The following LY75 variants were observed in gnomAD, a reference collection of about 807,000 sequenced individuals.
The protein encoded by LY75 is C-type lectin domain family 13 member B.
A neutral mutation model predicts 231.7 loss-of-function variants in LY75; 185 were observed. That is an observed-to-expected ratio of 0.80 (90% CI 0.71 to 0.90). The LOEUF is 0.90. LY75 is among the 40% of genes least tolerant of loss of function. LY75 has a pLI of 0.00. For missense variants in LY75, 1,947 were observed against 2,050.2 expected, an observed-to-expected ratio of 0.95 and a Z score of 0.97; for synonymous variants, 668 against 689.0, an observed-to-expected ratio of 0.97 and a Z score of 0.48.
intron 28 of LY75, among the ~76,000 whole-genome samples, chr2:159,825,756 C>T (rs1683446125): frequency 6.6e-6 from 1 of 152,164 alleles, no homozygotes; most frequent in African/African-American, 2.4e-5. Flanking sequence ...AAAGTTTATC[C>T]ACCAGGATCA....
Position 159,852,261 on chromosome 2 carries a change from G to GT in LY75, c.2822dup (p.Tyr941Ter). Residue 941 changes from tyrosine (Y) to a stop codon, truncating the protein, a stop_gained and frameshift_variant, in exon 21 of 35, where the codon TAC becomes TAAC. Coordinates refer to ENST00000263636, the MANE Select transcript of LY75 (RefSeq NM_002349.4). LOFTEE classifies it high-confidence loss of function. ...EKYNVSSLEK[Y>*]SPDSAAKVQC... ...GCACTTTAGCTGCAGAATCTGGGCT[G>GT]TATTTCTCTAACGAAGAAACATTAT... 3 of 1,614,048 alleles carry GT rather than the reference G, an allele frequency of 1.9e-6. No homozygotes were observed. Among genetic ancestry groups the GT allele is most frequent in the Non-Finnish European group, 2.5e-6 (3 of 1,179,982 alleles).
At chr2:159,872,212 G>A in intron 13 of LY75, 2 of 385,550 alleles carry the variant, frequency 5.2e-6, no homozygotes. Flanking sequence ...GCCATACATT[G>A]CTGTTGGACT....
At position 159,854,904 on chromosome 2, in the gene LY75, C is replaced by T. The variant is rs745561149; in HGVS notation, c.2419G>A (p.Asp807Asn). The T allele has an allele frequency of 1.2e-6, 2 of 1,613,610 alleles. No individual in the cohort carries two copies. Among genetic ancestry groups the T allele is most frequent in the South Asian group, 1.1e-5 (1 of 91,062 alleles). ...TTAAATTTCAGTTTTCTTAACTCACCTGGATTGTACCAGTCTGGTGTTTTT... is the reference window on the plus strand; with the variant it reads ...TTAAATTTCAGTTTTCTTAACTCACTTGGATTGTACCAGTCTGGTGTTTTT... ...TPKTPDWYNP[D>N]RAGIHGPPLI... The change falls in exon 17 of 35, where the codon GAC becomes AAC. Residue 807 changes from aspartate (D) to asparagine (N), a missense_variant and splice_region_variant. Physicochemically the swap from Asp to Asn is conservative, Grantham distance 23. Coordinates refer to ENST00000263636, the MANE Select transcript of LY75 (RefSeq NM_002349.4).
rs1321625668 is a variant in LY75 at position 159,804,780 on chromosome 2, A to G, written c.*264T>C. On this transcript the variant is annotated 3_prime_UTR_variant, in exon 35 of 35. Transcript: ENST00000263636. ...GTTACCAATCACATTCATACAGAGA[A>G]AATGAACATTAAACATATTACTGTA... 4.5e-6 allele frequency: 1 copy of G among 223,072 alleles called. No homozygotes were observed. Among genetic ancestry groups the G allele is most frequent in the Admixed American group, 5.3e-5 (1 of 19,036 alleles). 13.8% of individuals were successfully genotyped at this position (223,072 alleles called of 1,614,324 possible).
chr2:159,896,354 T>G (rs1450073480), intron 2 of LY75, among the ~76,000 whole-genome samples: 1 of 152,142 alleles, frequency 6.6e-6, no homozygotes, highest in Non-Finnish European at 1.5e-5. Flanking sequence ...GGAGTTGGGG[T>G]GAGAGGCAAC....
chr2:159,889,975 C>T (rs567030690), intron 4 of LY75, among the ~76,000 whole-genome samples: 10 of 152,232 alleles, frequency 6.6e-5, no homozygotes, highest in African/African-American at 1.9e-4. Context: ...TCTTGCTACC[C>T]AACCTTGTTT....
At chr2:159,879,226 G>T (rs1216810497) in intron 9 of LY75, 33 bp downstream of exon 9, 5 of 1,601,244 alleles carry the variant, frequency 3.1e-6, no homozygotes, top group Non-Finnish European at 3.4e-6. Context: ...TTGTAATACT[G>T]CTTGAGAAAA....
intron 32 of LY75, 28 bp from the exon 33 acceptor site, chr2:159,808,599 A>G (rs757015362): frequency 6.2e-7 from 1 of 1,610,346 alleles, no homozygotes; most frequent in Non-Finnish European, 8.5e-7. Context: ...ATTCTCAATT[A>G]GCTTTATGGA....
rs776849153 is a variant in LY75, at chr2:159,840,780, C to T, written c.3456G>A (p.Val1152=). The T allele has an allele frequency of 1.5e-5, 24 of 1,613,978 alleles. No individual in the cohort carries two copies. The highest frequency in any genetic ancestry group is 2.0e-5 in the Non-Finnish European group (24 of 1,179,988). ...AGGAAGAGTTGTGAAGGAGCGCCTG[C>T]ACACTGAGGAATGCCTGCTGGTAAG... ...TDPYQQAFLS[V]QALLHNSSLW... is the part of the protein sequence containing the mutation. Residue 1152 remains valine, a synonymous_variant, in exon 25 of 35, where the codon GTG becomes GTA. Coordinates refer to ENST00000263636, the MANE Select transcript of LY75 (RefSeq NM_002349.4).
In LY75 at chr2:159,888,308, G is replaced by GT. The variant is rs566297500; in HGVS notation, c.803-1779dup. ...GTGGGAAGATCGCTTGAGCCCAAGA[G>GT]TTGAGGCTATAGTGTGCTCTGATCA... On this transcript the variant is annotated intron_variant, in intron 4 of 34. Coordinates refer to ENST00000263636, the MANE Select transcript of LY75 (RefSeq NM_002349.4). 2.0e-3 allele frequency among the ~76,000 whole-genome samples: 306 copies of GT among 152,308 alleles called. 1 individual carries two copies. The highest frequency in any genetic ancestry group is 6.9e-3 in the African/African-American group (286 of 41,580).
At chr2:159,831,892 A>G (rs1683673302) in intron 27 of LY75, 106 bp from the exon 28 acceptor site, 12 of 852,246 alleles carry the variant, frequency 1.4e-5, no homozygotes, top group Non-Finnish European at 2.1e-5. Context: ...ACTTCAAAAT[A>G]TAAACAATAT....
chr2:159,902,009 G>T lies in LY75; in HGVS notation c.94+2580C>A, dbSNP rs368383156. Among the ~76,000 whole-genome samples the T allele has an allele frequency of 2.9e-4, 44 of 152,328 alleles. No homozygotes were observed. In the East Asian group the frequency reaches 3.9e-3, roughly 13 times the overall value. ...TAGTAGGTTGAAGAGCTGGAAGGAG[G>T]ACTGAGAAAGTGTGAACATAATCCC... On this transcript the variant is annotated intron_variant, in intron 1 of 34. Coordinates refer to ENST00000263636, the MANE Select transcript of LY75 (RefSeq NM_002349.4).
intron 25 of LY75, among the ~76,000 whole-genome samples, chr2:159,836,324 C>T (rs991422722): frequency 2.6e-5 from 4 of 152,258 alleles, no homozygotes; most frequent in Admixed American, 1.3e-4. Context: ...ACTCTTCAGG[C>T]GCTGTGGCTC....
chr2:159,875,966 T>G (rs1685255761), intron 11 of LY75, among the ~76,000 whole-genome samples: 1 of 152,192 alleles, frequency 6.6e-6, no homozygotes, highest in Admixed American at 6.6e-5. Context: ...CCAGGTGGTC[T>G]GTTTCTAGAG....
chr2:159,809,674 T>TTTTA (rs761050833), intron 32 of LY75, among the ~76,000 whole-genome samples: 8 of 151,616 alleles, frequency 5.3e-5, no homozygotes, highest in East Asian at 1.9e-4. Context: ...TTATTATTTA[T>TTTTA]TTTATTTATT....
chr2:159,870,605 A>G (rs1374030752), intron 13 of LY75, among the ~76,000 whole-genome samples: 2 of 152,038 alleles, frequency 1.3e-5, no homozygotes, highest in Non-Finnish European at 2.9e-5. Flanking sequence ...CCTGGGCTCA[A>G]GTGATCCTCC....
intron 30 of LY75, among the ~76,000 whole-genome samples, chr2:159,816,016 C>T (rs1683110365): frequency 6.6e-6 from 1 of 152,046 alleles, no homozygotes; most frequent in Admixed American, 6.5e-5. Flanking sequence ...CAGTAGGGAG[C>T]TAGAAAAGAG....
intron 3 of LY75, among the ~76,000 whole-genome samples, chr2:159,892,924 G>T (rs776060871): frequency 7.9e-5 from 12 of 152,054 alleles, no homozygotes; most frequent in African/African-American, 2.9e-4. Flanking sequence ...TCTCTTTCCC[G>T]CTCTTTGCTT....
At position 159,873,854 on chromosome 2, in the gene LY75, G is replaced by A. The variant is rs567801874; in HGVS notation, c.1975-1261C>T. 3.5e-4 allele frequency among the ~76,000 whole-genome samples: 41 copies of A among 117,412 alleles called. 2 individuals carry two copies. Among genetic ancestry groups the A allele is most frequent in the African/African-American group, 1.1e-3 (38 of 34,638 alleles). 77.0% of individuals were successfully genotyped at this position (117,412 alleles called of 152,430 possible). On this transcript the variant is annotated intron_variant, in intron 12 of 34. Transcript: ENST00000263636. ...ATATTTTGTAAAAATACATATAAAC[G>A]TATATATTTTGTAAAAATACATATA...
Sources: gnomAD v4.1 joint callset for allele counts (sites outside exome capture counted in the v4.1 genomes callset) on GRCh38, gnomAD v4.1.1 for gene constraint, MANE v1.5 for transcripts, NCBI Gene and HGNC (gene_info 2026-07-23, HGNC 2026-07-21) for gene names.